MAGT1: variants seen among roughly 807,000 people sequenced by gnomAD.
MAGT1 encodes magnesium transporter 1, also known as dolichyl-diphosphooligosaccharide--protein glycosyltransferase subunit MAGT1.
Under a neutral mutation model 28.4 loss-of-function variants are expected in MAGT1, and 4 were observed. That is an observed-to-expected ratio of 0.14 (90% CI 0.07 to 0.32). MAGT1 has a LOEUF of 0.32. MAGT1 is among the 10% of genes least tolerant of loss of function. The pLI is 1.00. For missense variants in MAGT1, 193 were observed against 264.5 expected, an observed-to-expected ratio of 0.73 and a Z score of 1.88; for synonymous variants, 89 against 89.7, an observed-to-expected ratio of 0.99 and a Z score of 0.04.
At chrX:77,891,699 G>A (rs1242663184) in intron 1 of MAGT1, among the ~76,000 whole-genome samples, 4 of 111,654 alleles carry the variant, frequency 3.6e-5, no homozygotes, top group Non-Finnish European at 7.5e-5. Context: ...GGAGGTCAAA[G>A]CAGGAGGATT....
In MAGT1 at chrX:77,851,121, C is replaced by T. The variant is rs140001216; in HGVS notation, c.826+2780G>A. Reference sequence around the variant, plus strand: ...GAGTAGTTGGAATTATAGGTGCACACTACCGTTTCTGGCTAATTTTTGTAT... The same window carrying T: ...GAGTAGTTGGAATTATAGGTGCACATTACCGTTTCTGGCTAATTTTTGTAT... On this transcript the variant is annotated intron_variant, in intron 7 of 9. Transcript: ENST00000618282. 9.8e-3 allele frequency among the ~76,000 whole-genome samples: 1,071 copies of T among 109,544 alleles called. 9 individuals carry two copies. Among genetic ancestry groups the T allele is most frequent in the Non-Finnish European group, 0.017 (882 of 52,577 alleles).
At chrX:77,853,864 C>T in intron 7 of MAGT1, 37 bp downstream of exon 7, 3 of 1,117,066 alleles carry the variant, frequency 2.7e-6, no homozygotes, top group Non-Finnish European at 3.7e-6. Flanking sequence ...AGAAAACAGA[C>T]AAAATACAGC....
intron 8 of MAGT1, among the ~76,000 whole-genome samples, chrX:77,838,758 GAA>G (rs571108381): frequency 8.9e-5 from 6 of 67,716 alleles, no homozygotes; most frequent in Non-Finnish European, 8.4e-5. Context: ...ACTCCGTCTC[GAA>G]AAAAAAAAAA....
chrX:77,865,320 C>T lies in MAGT1; in HGVS notation c.390+5488G>A, dbSNP rs186905398. On this transcript the variant is annotated intron_variant, in intron 3 of 9. Coordinates refer to ENST00000618282, the MANE Select transcript of MAGT1 (RefSeq NM_001367916.1). ...TTTATTTATTTTTGAGATGGAGTCT[C>T]GCTCTGTCGCCCAGGCTGGAGTGCA... 4.5e-5 allele frequency among the ~76,000 whole-genome samples: 5 copies of T among 110,142 alleles called. No homozygotes were observed. The East Asian group carries it at 8.6e-4, about 19-fold the overall frequency.
At chrX:77,857,317 A>T in intron 4 of MAGT1, 40 bp downstream of exon 4, 1 of 1,208,568 alleles carries the variant, frequency 8.3e-7, no homozygotes, top group Non-Finnish European at 1.1e-6. Context: ...TTCAAAGGGG[A>T]TAATGGCCAA....
At chrX:77,879,783 CT>C (rs1245863012) in intron 1 of MAGT1, among the ~76,000 whole-genome samples, 16 of 102,619 alleles carry the variant, frequency 1.6e-4, no homozygotes, top group African/African-American at 4.3e-4. Flanking sequence ...AGAAACAAAA[CT>C]TTTTTTTTCA....
At chrX:77,857,289 T>A (rs2076983620) in intron 4 of MAGT1, 68 bp downstream of exon 4, 1 of 1,175,896 alleles carries the variant, frequency 8.5e-7, no homozygotes, top group Non-Finnish European at 1.2e-6. Context: ...CAAGACTAAT[T>A]AGGGCCTCCC....
At chrX:77,879,648 T>C (rs2077045434) in intron 1 of MAGT1, among the ~76,000 whole-genome samples, 1 of 110,771 alleles carries the variant, frequency 9.0e-6, no homozygotes, top group African/African-American at 3.3e-5. Context: ...TTCTTTACCA[T>C]ACAGTAGGCA....
chrX:77,838,774 A>T (rs1603359559), intron 8 of MAGT1, among the ~76,000 whole-genome samples: 1 of 108,999 alleles, frequency 9.2e-6, no homozygotes, highest in African/African-American at 3.3e-5. Flanking sequence ...AAAAAAAAAA[A>T]ATTCCTTGCA....
chrX:77,882,426 A>G (rs782316932), intron 1 of MAGT1, among the ~76,000 whole-genome samples: 1 of 112,122 alleles, frequency 8.9e-6, no homozygotes, highest in South Asian at 3.6e-4. Flanking sequence ...TTTGACAGTT[A>G]CCAGCAAATA....
At chrX:77,843,639 G>A (rs1557214602) in intron 7 of MAGT1, among the ~76,000 whole-genome samples, 1 of 111,369 alleles carries the variant, frequency 9.0e-6, no homozygotes, top group Admixed American at 9.6e-5. Flanking sequence ...TTTTTTCTGA[G>A]TTCTTTATCT....
rs2076887501 is a variant in MAGT1, at chrX:77,827,841, A to G, written c.*1379T>C. The G allele has an allele frequency of 9.0e-6, 1 of 111,608 alleles. No homozygotes were observed. The highest frequency in any genetic ancestry group is 1.9e-5 in the Non-Finnish European group (1 of 53,125). The allele number at this position is 111,608 out of a possible 1,213,427, so 9.2% of individuals were successfully genotyped here. A position where few individuals can be genotyped will look rare whatever the true frequency, so the allele number is the denominator to read the frequency against. On this transcript the variant is annotated 3_prime_UTR_variant, in exon 10 of 10. Transcript: ENST00000618282. ...ACATTTTAGGCCATGTATAAGTTAC[A>G]CTGATTTTAGCACTAAGCTATATTT... is the stretch of plus-strand genomic sequence containing the variant.
chrX:77,830,745 T>C, intron 9 of MAGT1, 60 bp downstream of exon 9: 1 of 603,987 alleles, frequency 1.7e-6, no homozygotes, highest in Admixed American at 2.8e-5. Flanking sequence ...TAAAGCAATA[T>C]CAACTCTAAT....
rs782656616 is a variant in MAGT1, at chrX:77,855,581, G to C, written c.682C>G (p.Leu228Val). ...GWAFAALCFV[L>V]AMTSGQMWNH... ...CACATTTGACCAGATGTCATAGCAA[G>C]CACAAAACACTAGGAAACAAAAAAA... Residue 228 changes from leucine to valine, a missense_variant, in exon 6 of 10, where the codon CTT becomes GTT. Coordinates refer to ENST00000618282, the MANE Select transcript of MAGT1 (RefSeq NM_001367916.1). The C allele has an allele frequency of 1.7e-6, 2 of 1,194,683 alleles. No individual in the cohort carries two copies. Among genetic ancestry groups the C allele is most frequent in the East Asian group, 6.0e-5 (2 of 33,603 alleles).
In MAGT1 at chrX:77,829,157, A is replaced by G; in HGVS notation, c.*63T>C. 1 of 972,563 alleles carries G rather than the reference A, an allele frequency of 1.0e-6. No individual in the cohort carries two copies. Among genetic ancestry groups the G allele is most frequent in the Non-Finnish European group, 1.5e-6 (1 of 679,913 alleles). The allele number at this position is 972,563 out of a possible 1,213,427, so 80.2% of individuals were successfully genotyped here. On this transcript the variant is annotated 3_prime_UTR_variant, in exon 10 of 10. Coordinates refer to ENST00000618282, the MANE Select transcript of MAGT1 (RefSeq NM_001367916.1). ...ATACAAGTTGCATTCTTCTTTTCAA[A>G]CACACACGATTTTCGTTTTTCAATT... is the stretch of plus-strand genomic sequence containing the variant.
intron 8 of MAGT1, among the ~76,000 whole-genome samples, chrX:77,840,086 A>G (rs1557214264): frequency 9.1e-6 from 1 of 110,135 alleles, no homozygotes; most frequent in Non-Finnish European, 1.9e-5. Context: ...CTAGGAATCT[A>G]CCTTAAGGAA....
intron 1 of MAGT1, among the ~76,000 whole-genome samples, chrX:77,887,965 C>T (rs2077072004): frequency 9.0e-6 from 1 of 110,894 alleles, no homozygotes; most frequent in Admixed American, 9.7e-5. Flanking sequence ...CGTGCACCAC[C>T]ACGCCCAGCT....
Position 77,829,090 on chromosome X carries a change from TTAAC to T in MAGT1, c.*126_*129del. 1 of 552,509 alleles carries T rather than the reference TTAAC, an allele frequency of 1.8e-6. No individual in the cohort carries two copies. The highest frequency in any genetic ancestry group is 3.1e-6 in the Non-Finnish European group (1 of 320,140). The allele number at this position is 552,509 out of a possible 1,213,427, so 45.5% of individuals were successfully genotyped here. A position where few individuals can be genotyped will look rare whatever the true frequency, so the allele number is the denominator to read the frequency against. ...CTACACATCTTCTTTGGTTAAATGA[TTAAC>T]TATTTAAATCACTTGAAAAAAAGAG... On this transcript the variant is annotated 3_prime_UTR_variant, in exon 10 of 10. Coordinates refer to ENST00000618282, the MANE Select transcript of MAGT1 (RefSeq NM_001367916.1).
intron 1 of MAGT1, 80 bp downstream of exon 1, chrX:77,895,229 G>A: frequency 9.3e-7 from 1 of 1,075,571 alleles, no homozygotes; most frequent in East Asian, 3.1e-5. Context: ...GCAGGGAAAG[G>A]GGGCTGGGAA....
Sources: gnomAD v4.1 joint callset for allele counts (sites outside exome capture counted in the v4.1 genomes callset) on GRCh38, gnomAD v4.1.1 for gene constraint, MANE v1.5 for transcripts, NCBI Gene and HGNC (gene_info 2026-07-23, HGNC 2026-07-21) for gene names.